The following CYP11B2 variants were observed in gnomAD, a reference collection of about 807,000 sequenced individuals.
CYP11B2 encodes cytochrome P450 11B2, mitochondrial.
Under a neutral mutation model 49.3 loss-of-function variants are expected in CYP11B2, and 38 were observed. That is an observed-to-expected ratio of 0.77 (90% confidence interval 0.59 to 1.01). The LOEUF is 1.01. Ranked by LOEUF, CYP11B2 falls within the 50% of genes least tolerant of loss-of-function variation. CYP11B2 has a pLI of 0.00. For missense variants in CYP11B2, 669 were observed against 655.5 expected, an observed-to-expected ratio of 1.02 and a Z score of -0.23; for synonymous variants, 290 against 269.3, an observed-to-expected ratio of 1.08 and a Z score of -0.75.
intron 2 of CYP11B2, chr8:142,916,389 C>A (rs1005931936): frequency 2.2e-6 from 1 of 456,582 alleles, no homozygotes; most frequent in Non-Finnish European, 4.4e-6. Flanking sequence ...CAGTCCTTCC[C>A]CCGTCCTAAT....
intron 2 of CYP11B2, 47 bp downstream of exon 2, chr8:142,917,012 G>T (rs747648904): frequency 6.2e-7 from 1 of 1,609,292 alleles, no homozygotes; most frequent in African/African-American, 1.3e-5. Flanking sequence ...CCTACACCCA[G>T]GCTGCCCACC....
intron 1 of CYP11B2, 35 bp from the exon 2 acceptor site, chr8:142,917,249 G>T (rs754516886): frequency 7.5e-6 from 12 of 1,609,284 alleles, no homozygotes; most frequent in Non-Finnish European, 1.0e-5. Context: ...GCTGGACGGG[G>T]TCATGTCCCT....
In CYP11B2 at chr8:142,911,913, CAG is replaced by C. The variant is rs1413755137; in HGVS notation, c.*65_*66del. On this transcript the variant is annotated 3_prime_UTR_variant, in exon 9 of 9. Transcript: ENST00000323110. Reference sequence around the variant, plus strand: ...GAAGCTGTGCACGTGGGAGAGAAGACAGGTGGCCTGGGGTCAGGCAGAGGGAA... The same window carrying C: ...GAAGCTGTGCACGTGGGAGAGAAGACGTGGCCTGGGGTCAGGCAGAGGGAA... 25 of 1,610,560 alleles carry C rather than the reference CAG, an allele frequency of 1.6e-5. No individual in the cohort carries two copies. The highest frequency in any genetic ancestry group is 1.9e-5 in the Non-Finnish European group (22 of 1,178,252).
At position 142,911,775 on chromosome 8, in the gene CYP11B2, C is replaced by T. The variant is rs1296538192; in HGVS notation, c.*205G>A. 2.1e-5 allele frequency: 15 copies of T among 704,254 alleles called. No homozygotes were observed. The highest frequency in any genetic ancestry group is 1.6e-4 in the African/African-American group (9 of 55,724). 43.6% of individuals were successfully genotyped at this position (704,254 alleles called of 1,614,324 possible). ...CAAGGCCAGGCCCTGCCAGCAAGATCGTCTCCAGCTGTGCCCTGGCCTTGC... is the reference window on the plus strand; with the variant it reads ...CAAGGCCAGGCCCTGCCAGCAAGATTGTCTCCAGCTGTGCCCTGGCCTTGC... On this transcript the variant is annotated 3_prime_UTR_variant, in exon 9 of 9. Transcript: ENST00000323110.
chr8:142,911,662 A>G lies in CYP11B2; in HGVS notation c.*318T>C, dbSNP rs1238339535. ...AATCACAGCACCCTTGCATGGCCTC[A>G]TGAGGAGCCTGGAGCCAGCGCTGGG... On this transcript the variant is annotated 3_prime_UTR_variant, in exon 9 of 9. Coordinates refer to ENST00000323110, the MANE Select transcript of CYP11B2 (RefSeq NM_000498.3). 2 of 393,580 alleles carry G rather than the reference A, an allele frequency of 5.1e-6. No homozygotes were observed. Among genetic ancestry groups the G allele is most frequent in the South Asian group, 5.0e-5 (2 of 40,068 alleles). The allele number at this position is 393,580 out of a possible 1,614,324, so 24.4% of individuals were successfully genotyped here. A position where few individuals can be genotyped will look rare whatever the true frequency, so the allele number is the denominator to read the frequency against.
intron 5 of CYP11B2, 111 bp downstream of exon 5, chr8:142,914,153 G>A: frequency 8.0e-7 from 1 of 1,247,448 alleles, no homozygotes; most frequent in Admixed American, 1.8e-5. Flanking sequence ...AGAAATGTGG[G>A]GCCTGTAGCC....
Position 142,917,669 on chromosome 8 carries a change from C to G in CYP11B2, c.172G>C (p.Glu58Gln), listed in dbSNP as rs201111434. ...AGGTGCAGGTGCTCATAACCCTGCT[C>G]CCTCCAGATCTGCAGCAGCCTCAGC... ...RWLRLLQIWR[E>Q]QGYEHLHLEM... The change falls in exon 1 of 9, where the codon GAG (glutamate) becomes CAG (glutamine). Residue 58 changes from glutamate (E) to glutamine (Q), a missense_variant. Coordinates refer to ENST00000323110, the MANE Select transcript of CYP11B2 (RefSeq NM_000498.3). The G allele has an allele frequency of 4.3e-5, 70 of 1,614,124 alleles. 1 individual carries two copies. Among genetic ancestry groups the G allele is most frequent in the Non-Finnish European group, 5.4e-5 (64 of 1,180,058 alleles).
chr8:142,914,054 A>G, intron 5 of CYP11B2: 1 of 687,714 alleles, frequency 1.5e-6, no homozygotes, highest in Non-Finnish European at 2.6e-6. Context: ...AGGTAACTGC[A>G]AACTCAGTCT....
chr8:142,910,624 T>G lies in CYP11B2; in HGVS notation c.*1356A>C, dbSNP rs1817515980. On this transcript the variant is annotated 3_prime_UTR_variant, in exon 9 of 9. Coordinates refer to ENST00000323110, the MANE Select transcript of CYP11B2 (RefSeq NM_000498.3). This position sits in a 1 kb window ranked among gnomAD's most constrained non-coding sequence, Gnocchi z 4.6. ...TGACTAGAGGAGTTGGATGGGTATC[T>G]GTGAGAGCCCCATAAACAAGGAAGC... 6.6e-6 allele frequency: 1 copy of G among 152,192 alleles called. No individual in the cohort carries two copies. Among genetic ancestry groups the G allele is most frequent in the Admixed American group, 6.5e-5 (1 of 15,280 alleles). 9.4% of individuals were successfully genotyped at this position (152,192 alleles called of 1,614,324 possible).
chr8:142,917,064 G>C lies in CYP11B2; in HGVS notation c.390C>G (p.Phe130Leu), dbSNP rs773477950. 1.9e-6 allele frequency: 3 copies of C among 1,614,150 alleles called. No individual in the cohort carries two copies. The highest frequency in any genetic ancestry group is 1.6e-4 in the Middle Eastern group (1 of 6,062). Residue 130 changes from phenylalanine to leucine, a missense_variant, in exon 2 of 9, where the codon TTC (phenylalanine) becomes TTG (leucine). Coordinates refer to ENST00000323110, the MANE Select transcript of CYP11B2 (RefSeq NM_000498.3). ...GCTCCCAACTCGCCGCTTACAACAA[G>C]AACACGCCACATTTGTGCCCACGAT... is the stretch of plus-strand genomic sequence containing the variant. ...RQHRGHKCGV[F>L]LLNGPEWRFN...
Position 142,911,941 on chromosome 8 carries a change from G to A in CYP11B2, c.*39C>T, listed in dbSNP as rs2130323056. On this transcript the variant is annotated 3_prime_UTR_variant, in exon 9 of 9. Transcript: ENST00000323110. ...GTGGCCTGGGGTCAGGCAGAGGGAA[G>A]CTGGTGGCCAGGCTGGGACCCTGGG... 6.2e-7 allele frequency: 1 copy of A among 1,613,718 alleles called. No individual in the cohort carries two copies. Among genetic ancestry groups the A allele is most frequent in the South Asian group, 1.1e-5 (1 of 91,062 alleles).
intron 8 of CYP11B2, 26 bp downstream of exon 8, chr8:142,912,504 C>A (rs1288839021): frequency 6.6e-7 from 1 of 1,506,700 alleles, no homozygotes; most frequent in South Asian, 1.1e-5. Context: ...TGCCCAGGTC[C>A]CGCCCCCGCC....
In CYP11B2 at chr8:142,912,694, G is replaced by A. The variant is rs551657406; in HGVS notation, c.1234C>T (p.Arg412Cys). ...LVQVFLYSLG[R>C]NAALFPRPER... ...GGCCTCGGGAACAAGGCGGCATTGCGACCCAGCGAGTAGAGGAAAACCTGT... is the reference window on the plus strand; with the variant it reads ...GGCCTCGGGAACAAGGCGGCATTGCAACCCAGCGAGTAGAGGAAAACCTGT... The change falls in exon 8 of 9, where the codon CGC becomes TGC. Residue 412 changes from arginine (R) to cysteine (C), a missense_variant. Physicochemically the swap from Arg to Cys is radical, Grantham distance 180. Coordinates refer to ENST00000323110, the MANE Select transcript of CYP11B2 (RefSeq NM_000498.3). 3 of 1,614,084 alleles carry A rather than the reference G, an allele frequency of 1.9e-6. No homozygotes were observed. Among genetic ancestry groups the A allele is most frequent in the South Asian group, 1.1e-5 (1 of 91,082 alleles).
In CYP11B2 at chr8:142,917,088, A is replaced by G; in HGVS notation, c.366T>C (p.His122=). The G allele has an allele frequency of 6.2e-7, 1 of 1,614,134 alleles. No homozygotes were observed. The highest frequency in any genetic ancestry group is 1.1e-5 in the South Asian group (1 of 91,078). The change falls in exon 2 of 9, where the codon CAT becomes CAC. Residue 122 remains histidine, a synonymous_variant. Coordinates refer to ENST00000323110, the MANE Select transcript of CYP11B2 (RefSeq NM_000498.3). ...AGAACACGCCACATTTGTGCCCACGATGTTGTCTGTAGGCCACCCAGGGCT... is the reference window on the plus strand; with the variant it reads ...AGAACACGCCACATTTGTGCCCACGGTGTTGTCTGTAGGCCACCCAGGGCT... The part of the protein sequence containing the change: ...ILEPWVAYRQ[H]RGHKCGVFLL...
At position 142,913,320 on chromosome 8, in the gene CYP11B2, C is replaced by G. The variant is rs763197267; in HGVS notation, c.1086G>C (p.Leu362=). Residue 362 remains leucine (L), a synonymous_variant, in exon 6 of 9, where the codon CTG becomes CTC. Transcript: ENST00000323110. ...CCTTGAGGGCCGCCCGCAGCAAGGG[C>G]AGCTCGGTGGTTGCCTTCTGGGGAT... ...SEHPQKATTE[L]PLLRAALKET... 1.6e-5 allele frequency: 26 copies of G among 1,613,708 alleles called. No individual in the cohort carries two copies. The East Asian group carries it at 2.7e-4, about 17-fold the overall frequency.
At position 142,911,690 on chromosome 8, in the gene CYP11B2, T is replaced by C. The variant is rs201793158; in HGVS notation, c.*290A>G. 2 of 424,612 alleles carry C rather than the reference T, an allele frequency of 4.7e-6. No individual in the cohort carries two copies. The highest frequency in any genetic ancestry group is 4.8e-5 in the South Asian group (2 of 41,392). The allele number at this position is 424,612 out of a possible 1,614,324, so 26.3% of individuals were successfully genotyped here. On this transcript the variant is annotated 3_prime_UTR_variant, in exon 9 of 9. Coordinates refer to ENST00000323110, the MANE Select transcript of CYP11B2 (RefSeq NM_000498.3). ...AGGAGCCTGGAGCCAGCGCTGGGAG[T>C]AGAGTCAAGCTGTCCAGAGGGCACT...
In CYP11B2 at chr8:142,911,849, C is replaced by A. The variant is rs1817540664; in HGVS notation, c.*131G>T. 2.1e-6 allele frequency: 3 copies of A among 1,426,648 alleles called. No individual in the cohort carries two copies. In the South Asian group the frequency reaches 3.9e-5, roughly 18 times the overall value. The allele number at this position is 1,426,648 out of a possible 1,614,324, so 88.4% of individuals were successfully genotyped here. On this transcript the variant is annotated 3_prime_UTR_variant, in exon 9 of 9. Transcript: ENST00000323110. ...CAGTCCTGGAGGCCCTGGGGAGTTC[C>A]ATTTGTGCAGGAGCTGGCTGGACAG... is the stretch of plus-strand genomic sequence containing the variant.
intron 4 of CYP11B2, 85 bp downstream of exon 4, chr8:142,914,620 C>T: frequency 2.0e-6 from 3 of 1,487,786 alleles, no homozygotes; most frequent in East Asian, 2.4e-5. Context: ...CTGTGGCCTC[C>T]ATTCCCCACT....
chr8:142,917,225 AAG>A lies in CYP11B2; in HGVS notation c.240-13_240-12del, dbSNP rs761120323. 1.9e-6 allele frequency: 3 copies of A among 1,613,618 alleles called. No homozygotes were observed. The highest frequency in any genetic ancestry group is 2.5e-6 in the Non-Finnish European group (3 of 1,179,828). On this transcript the variant is annotated splice_polypyrimidine_tract_variant and intron_variant, in intron 1 of 8. Coordinates refer to ENST00000323110, the MANE Select transcript of CYP11B2 (RefSeq NM_000498.3). ...CCTCCCAAGTTGTACCTGTGGGGCC[AAG>A]CAGGAGGCCCTGCTGGACGGGGTCA...
Sources: allele counts gnomAD v4.1 joint callset, GRCh38; gene constraint gnomAD v4.1.1; non-coding constraint Gnocchi (gnomAD v3.1); transcripts MANE v1.5; gene names NCBI Gene and HGNC (gene_info 2026-07-23, HGNC 2026-07-21).